Variants in IGFBP2 observed in about 807,000 individuals in gnomAD.
IGFBP2 encodes insulin like growth factor binding protein 2.
In IGFBP2, 12 loss-of-function variants were observed where a neutral mutation model predicts 26.2. The observed-to-expected ratio is 0.46, with a 90% CI of 0.29 to 0.74. The LOEUF (loss-of-function observed/expected upper bound fraction) is 0.74, where lower values mean the gene tolerates loss of function less well. IGFBP2 is among the 30% of genes least tolerant of loss of function. IGFBP2 has a pLI of 0.09. For synonymous variants in IGFBP2, 189 were observed against 200.6 expected, an observed-to-expected ratio of 0.94 and a Z score of 0.49; for missense variants, 328 against 441.2, an observed-to-expected ratio of 0.74 and a Z score of 2.30.
intron 3 of IGFBP2, 67 bp from the exon 4 acceptor site, chr2:216,663,873 C>T (rs535226471): frequency 9.7e-5 from 150 of 1,539,346 alleles, no homozygotes; most frequent in South Asian, 9.7e-4. Flanking sequence ...CAGTGGACGC[C>T]GGGTTGAGGG....
At position 216,660,681 on chromosome 2, in the gene IGFBP2, C is replaced by T. The variant is rs549085313; in HGVS notation, c.567C>T (p.Ala189=). ...KPLKSGMKEL[A]VFREKVTEQH... is the part of the protein sequence containing the mutation. ...TCAAGTCGGGTATGAAGGAGCTGGCCGTGTTCCGGGAGAAGGTCACTGAGC... is the reference window on the plus strand; with the variant it reads ...TCAAGTCGGGTATGAAGGAGCTGGCTGTGTTCCGGGAGAAGGTCACTGAGC... The change falls in exon 2 of 4, where the codon GCC becomes GCT. Residue 189 remains alanine, a synonymous_variant. Transcript: ENST00000233809. 15 of 1,614,042 alleles carry T rather than the reference C, an allele frequency of 9.3e-6. No homozygotes were observed. In the African/African-American group the frequency reaches 9.3e-5, roughly 10 times the overall value.
chr2:216,634,807 A>G (rs1265279487), intron 1 of IGFBP2, among the ~76,000 whole-genome samples: 1 of 132,702 alleles, frequency 7.5e-6, no homozygotes, highest in South Asian at 2.6e-4. Context: ...GTAGGATAGA[A>G]TGAGGACCCG....
intron 1 of IGFBP2, among the ~76,000 whole-genome samples, chr2:216,635,323 A>C (rs1023848113): frequency 6.6e-6 from 1 of 152,014 alleles, no homozygotes; most frequent in Non-Finnish European, 1.5e-5. Context: ...CCTGCCTGGA[A>C]GTTAACCCTT....
intron 1 of IGFBP2, among the ~76,000 whole-genome samples, chr2:216,652,410 A>G (rs1473139631): frequency 2.6e-5 from 4 of 152,294 alleles, no homozygotes; most frequent in Non-Finnish European, 4.4e-5. Context: ...TCCTGACCTC[A>G]GGTGATCTGC....
chr2:216,652,637 C>T (rs1478763084), intron 1 of IGFBP2, among the ~76,000 whole-genome samples: 4 of 152,208 alleles, frequency 2.6e-5, no homozygotes, highest in Non-Finnish European at 5.9e-5. Context: ...GAATCGTCCA[C>T]TGCTATGGAT....
At chr2:216,657,127 G>A (rs1261825897) in intron 1 of IGFBP2, among the ~76,000 whole-genome samples, 9 of 152,294 alleles carry the variant, frequency 5.9e-5, no homozygotes, top group Middle Eastern at 3.4e-3. Flanking sequence ...TCCAATGCAG[G>A]TGGTGGGAGT....
chr2:216,636,384 C>G (rs1033794610), intron 1 of IGFBP2, among the ~76,000 whole-genome samples: 1 of 151,958 alleles, frequency 6.6e-6, no homozygotes, highest in Non-Finnish European at 1.5e-5. Flanking sequence ...TTGCTGTTAG[C>G]TCTTTTGTCT....
intron 1 of IGFBP2, among the ~76,000 whole-genome samples, chr2:216,655,827 G>A (rs943055654): frequency 9.9e-5 from 15 of 151,960 alleles, no homozygotes; most frequent in Middle Eastern, 3.4e-3. Context: ...CCCAGGAGGC[G>A]GAGGTTGCAG....
intron 1 of IGFBP2, among the ~76,000 whole-genome samples, chr2:216,653,417 C>T (rs1382521165): frequency 6.6e-6 from 1 of 152,214 alleles, no homozygotes; most frequent in Non-Finnish European, 1.5e-5. Context: ...GGTATGAATG[C>T]ATAGAAGTGA....
chr2:216,650,334 G>A (rs900101941), intron 1 of IGFBP2, among the ~76,000 whole-genome samples: 11 of 152,190 alleles, frequency 7.2e-5, no homozygotes, highest in African/African-American at 1.4e-4. Context: ...CCTGCTTAGC[G>A]TCACTCAGAA....
intron 1 of IGFBP2, among the ~76,000 whole-genome samples, chr2:216,645,001 T>C (rs1220663047): frequency 6.6e-6 from 1 of 152,242 alleles, no homozygotes; most frequent in African/African-American, 2.4e-5. Flanking sequence ...TTCTCAAAAA[T>C]GTTCCTTTAT....
At chr2:216,656,714 T>G (rs925375065) in intron 1 of IGFBP2, among the ~76,000 whole-genome samples, 2 of 152,088 alleles carry the variant, frequency 1.3e-5, no homozygotes, top group African/African-American at 4.8e-5. Context: ...CTTTCCCGTC[T>G]CCAACCAGAC....
chr2:216,663,827 C>CCGGCAG, intron 3 of IGFBP2, 113 bp from the exon 4 acceptor site: 1 of 1,130,850 alleles, frequency 8.8e-7, no homozygotes, highest in Non-Finnish European at 1.2e-6. Flanking sequence ...GAAGCTCCAC[C>CCGGCAG]CGGCAGCGCA....
chr2:216,661,921 G>A lies in IGFBP2; in HGVS notation c.736G>A (p.Glu246Lys). The change falls in exon 3 of 4, where the codon GAG (glutamate) becomes AAG (lysine). Residue 246 changes from glutamate (E) to lysine (K), a missense_variant. By Grantham distance (56) the Glu-to-Lys change is moderately conservative. Transcript: ENST00000233809. Reference protein sequence around the residue: ...ERISTMRLPDERGPLEHLYSL... With the variant: ...ERISTMRLPDKRGPLEHLYSL... Reference sequence around the variant, plus strand: ...GATCTCCACCATGCGCCTTCCGGATGAGCGGGGCCCTCTGGAGCACCTCTA... The same window carrying A: ...GATCTCCACCATGCGCCTTCCGGATAAGCGGGGCCCTCTGGAGCACCTCTA... 1 of 1,614,226 alleles carries A rather than the reference G, an allele frequency of 6.2e-7. No individual in the cohort carries two copies. Among genetic ancestry groups the A allele is most frequent in the Non-Finnish European group, 8.5e-7 (1 of 1,180,036 alleles).
intron 1 of IGFBP2, among the ~76,000 whole-genome samples, chr2:216,654,413 C>A (rs1697881710): frequency 6.6e-6 from 1 of 152,278 alleles, no homozygotes; most frequent in South Asian, 2.1e-4. Context: ...TACAGATGAA[C>A]AATGGAAGCA....
At chr2:216,633,236 G>T (rs1022807392), upstream of IGFBP2, among the ~76,000 whole-genome samples, 1 of 152,160 alleles carries the variant, frequency 6.6e-6, no homozygotes, top group Admixed American at 6.5e-5. Context: ...CGGGGCCCGG[G>T]AAGAGCAGGG....
intron 1 of IGFBP2, among the ~76,000 whole-genome samples, chr2:216,658,245 A>G (rs1428400707): frequency 6.6e-6 from 1 of 152,208 alleles, no homozygotes; most frequent in Non-Finnish European, 1.5e-5. Flanking sequence ...CCAGACATCC[A>G]GAAGCCAGGC....
At chr2:216,648,513 C>T (rs1406699014) in intron 1 of IGFBP2, among the ~76,000 whole-genome samples, 1 of 152,108 alleles carries the variant, frequency 6.6e-6, no homozygotes, top group African/African-American at 2.4e-5. Context: ...ATCGTTTGGT[C>T]CTCTTCCAGT....
chr2:216,634,892 C>CA (rs1553545663), intron 1 of IGFBP2, among the ~76,000 whole-genome samples: 4 of 23,784 alleles, frequency 1.7e-4, no homozygotes, highest in Admixed American at 5.8e-4. Context: ...AAGGAGGTTA[C>CA]TTTTTTTTTT....
Sources: gnomAD v4.1 joint callset for allele counts (sites outside exome capture counted in the v4.1 genomes callset) on GRCh38, gnomAD v4.1.1 for gene constraint, MANE v1.5 for transcripts, NCBI Gene and HGNC (gene_info 2026-07-23, HGNC 2026-07-21) for gene names.